Variants in MROH2B observed in about 807,000 individuals in gnomAD.
MROH2B encodes maestro heat like repeat family member 2B, also known as maestro heat-like repeat-containing protein family member 2B.
In MROH2B, 177 loss-of-function variants were observed where a neutral mutation model predicts 208.6. The observed-to-expected ratio is 0.85, with a 90% CI of 0.75 to 0.96. MROH2B has a LOEUF of 0.96. Among genes scored for constraint, MROH2B ranks in the 40% least tolerant of loss-of-function variants. The pLI, the probability that MROH2B is intolerant of heterozygous loss-of-function variation, is 0.00. For synonymous variants in MROH2B, 728 were observed against 659.0 expected (o/e 1.10, Z -1.60); for missense variants, 2,002 against 1,878.7 (o/e 1.07, Z -1.21).
At chr5:41,052,944 TC>T (rs1319789399) in intron 11 of MROH2B, among the ~76,000 whole-genome samples, 7 of 152,190 alleles carry the variant, frequency 4.6e-5, no homozygotes, top group African/African-American at 1.4e-4. Flanking sequence ...ATTTCAGACT[TC>T]CTTTGGATTA....
At chr5:41,001,126 A>G (rs1741384939) in intron 37 of MROH2B, among the ~76,000 whole-genome samples, 1 of 152,180 alleles carries the variant, frequency 6.6e-6, no homozygotes, top group African/African-American at 2.4e-5. Context: ...GGACCACAGG[A>G]ATGATACACA....
intron 24 of MROH2B, among the ~76,000 whole-genome samples, chr5:41,031,446 G>T (rs897128496): frequency 6.6e-6 from 1 of 152,118 alleles, no homozygotes; most frequent in Admixed American, 6.6e-5. Flanking sequence ...TGAGATTTGG[G>T]TGGGGACCCA....
intron 24 of MROH2B, among the ~76,000 whole-genome samples, chr5:41,027,398 C>G (rs1395248299): frequency 1.3e-5 from 2 of 152,072 alleles, no homozygotes. Flanking sequence ...AGACACTTCT[C>G]AAAAGAAGAC....
Position 41,058,222 on chromosome 5 carries a change from A to T in MROH2B, c.616-19T>A. The T allele has an allele frequency of 6.7e-7, 1 of 1,482,590 alleles. No individual in the cohort carries two copies. The highest frequency in any genetic ancestry group is 9.0e-7 in the Non-Finnish European group (1 of 1,110,318). 91.8% of individuals were successfully genotyped at this position (1,482,590 alleles called of 1,614,324 possible). A position where few individuals can be genotyped will look rare whatever the true frequency, so the allele number is the denominator to read the frequency against. Reference sequence around the variant, plus strand: ...TCAAAGTCTGTACAGGCAGCAAACAAATACCGTTTCTGAAACTTCCTTATG... The same window carrying T: ...TCAAAGTCTGTACAGGCAGCAAACATATACCGTTTCTGAAACTTCCTTATG... On this transcript the variant is annotated intron_variant, in intron 6 of 41. Transcript: ENST00000399564.
intron 15 of MROH2B, among the ~76,000 whole-genome samples, chr5:41,048,804 G>C (rs1743199843): frequency 6.6e-6 from 1 of 152,184 alleles, no homozygotes; most frequent in Non-Finnish European, 1.5e-5. Flanking sequence ...CAAAGAGAGA[G>C]ATGGGAAATC....
At chr5:41,015,574 T>C (rs1295194959) in intron 28 of MROH2B, 96 bp from the exon 29 acceptor site, 3 of 1,053,272 alleles carry the variant, frequency 2.8e-6, no homozygotes, top group Non-Finnish European at 4.2e-6. Context: ...AATTAGCTGC[T>C]GTCTGATGAG....
intron 7 of MROH2B, among the ~76,000 whole-genome samples, chr5:41,057,817 G>C (rs13160583): frequency 0.69 from 104,622 of 151,402 alleles, 36,335 homozygotes; most frequent in Non-Finnish European, 0.71. Flanking sequence ...CCTCGGCCTC[G>C]CAAAGTGCTG....
chr5:41,038,674 A>G, intron 21 of MROH2B, 62 bp downstream of exon 21: 2 of 1,512,988 alleles, frequency 1.3e-6, no homozygotes, highest in African/African-American at 1.4e-5. Context: ...CCAGGGACTG[A>G]GCCCCTGCAA....
At chr5:41,032,858 G>A in intron 23 of MROH2B, 37 bp from the exon 24 acceptor site, 2 of 1,591,286 alleles carry the variant, frequency 1.3e-6, no homozygotes, top group East Asian at 4.5e-5. Flanking sequence ...GTTTCAGAAA[G>A]GCTCAGGAAA....
chr5:41,027,797 A>G (rs1367277735), intron 24 of MROH2B, among the ~76,000 whole-genome samples: 1 of 152,242 alleles, frequency 6.6e-6, no homozygotes, highest in East Asian at 1.9e-4. Flanking sequence ...CCAAATGCCC[A>G]TCAATGATAG....
intron 31 of MROH2B, 101 bp from the exon 32 acceptor site, chr5:41,009,507 A>G (rs1410625342): frequency 7.0e-7 from 1 of 1,429,546 alleles, no homozygotes; most frequent in African/African-American, 1.4e-5. Context: ...ACTAATGACA[A>G]TTTCAAGGGC....
chr5:40,999,584 C>T, intron 40 of MROH2B, 93 bp downstream of exon 40: 6 of 958,076 alleles, frequency 6.3e-6, no homozygotes, highest in Non-Finnish European at 9.3e-6. Flanking sequence ...TATACCAGTC[C>T]TACTAGTGTT....
At chr5:41,004,980 G>A in intron 35 of MROH2B, 60 bp from the exon 36 acceptor site, 1 of 1,570,140 alleles carries the variant, frequency 6.4e-7, no homozygotes, top group Non-Finnish European at 8.6e-7. Context: ...CTTCAGGAGA[G>A]TGCCAAAGAC....
chr5:41,018,076 T>C, intron 27 of MROH2B, 106 bp from the exon 28 acceptor site: 1 of 1,407,330 alleles, frequency 7.1e-7, no homozygotes, highest in Non-Finnish European at 9.5e-7. Flanking sequence ...TGCAGGTCCT[T>C]AGAATGAAAT....
Position 41,065,476 on chromosome 5 carries a change from G to C in MROH2B, c.216C>G (p.Ile72Met). Residue 72 changes from isoleucine (I) to methionine (M), a missense_variant, in exon 4 of 42, where the codon ATC becomes ATG. By Grantham distance (10) the Ile-to-Met change is conservative (BLOSUM62 1). Coordinates refer to ENST00000399564, the MANE Select transcript of MROH2B (RefSeq NM_173489.5). ...DMRDNNMLRE[I>M]RMLAGEVLVS... ...CCAAAACCTCACCAGCTAGCATTCTGATTTCTCTGAGCATCTGAGGAGGAA... is the reference window on the plus strand; with the variant it reads ...CCAAAACCTCACCAGCTAGCATTCTCATTTCTCTGAGCATCTGAGGAGGAA... 1 of 1,612,688 alleles carries C rather than the reference G, an allele frequency of 6.2e-7. No individual in the cohort carries two copies. Among genetic ancestry groups the C allele is most frequent in the South Asian group, 1.1e-5 (1 of 90,816 alleles).
chr5:41,065,628 G>A, intron 3 of MROH2B, 138 bp from the exon 4 acceptor site: 1 of 678,140 alleles, frequency 1.5e-6, no homozygotes, highest in Non-Finnish European at 2.3e-6. Flanking sequence ...ACATGTGCAG[G>A]TTGGTCACAT....
At chr5:41,002,961 CTTT>C (rs200774331) in intron 37 of MROH2B, among the ~76,000 whole-genome samples, 37 of 136,478 alleles carry the variant, frequency 2.7e-4, no homozygotes, top group Non-Finnish European at 3.0e-4. Context: ...TTAAAAATTG[CTTT>C]TTTTTTTTTT....
chr5:41,027,800 A>C (rs965749735), intron 24 of MROH2B, among the ~76,000 whole-genome samples: 9 of 152,232 alleles, frequency 5.9e-5, no homozygotes, highest in African/African-American at 2.2e-4. Context: ...AATGCCCATC[A>C]ATGATAGACT....
intron 24 of MROH2B, among the ~76,000 whole-genome samples, chr5:41,032,224 A>G (rs1270907876): frequency 6.6e-6 from 1 of 152,094 alleles, no homozygotes; most frequent in African/African-American, 2.4e-5. Flanking sequence ...TTTCTCCACA[A>G]CCTTAGCAGC....
Sources: allele counts gnomAD v4.1 joint callset (sites outside exome capture counted in the v4.1 genomes callset), GRCh38; gene constraint gnomAD v4.1.1; transcripts MANE v1.5; gene names NCBI Gene and HGNC (gene_info 2026-07-23, HGNC 2026-07-21).